GRIP1: variants seen among roughly 807,000 people sequenced by gnomAD.
GRIP1 encodes the protein glutamate receptor-interacting protein 1.
A neutral mutation model predicts 129.9 loss-of-function variants in GRIP1; 45 were observed. The observed-to-expected ratio is 0.35, with a 90% CI of 0.27 to 0.44. GRIP1 has a LOEUF of 0.44. GRIP1 is among the 20% of genes least tolerant of loss of function. The pLI, the probability that GRIP1 is intolerant of heterozygous loss-of-function variation, is 1.00. For synonymous variants in GRIP1, 530 were observed against 520.8 expected (o/e 1.02, Z -0.24); for missense variants, 1,196 against 1,396.8 (o/e 0.86, Z 2.29).
intron 1 of GRIP1, among the ~76,000 whole-genome samples, chr12:66,918,254 A>C (rs761931149): frequency 4.6e-5 from 7 of 152,166 alleles, no homozygotes; most frequent in African/African-American, 9.7e-5. Flanking sequence ...GGTAGAAAAA[A>C]AAAGGTGATG....
At chr12:66,431,384 T>C (rs749948964) in intron 14 of GRIP1, among the ~76,000 whole-genome samples, 2 of 152,348 alleles carry the variant, frequency 1.3e-5, no homozygotes, top group Non-Finnish European at 1.5e-5. Flanking sequence ...CTCCCATACA[T>C]GTGGCTTCTT....
At chr12:66,923,688 A>C (rs2041249569) in intron 1 of GRIP1, among the ~76,000 whole-genome samples, 1 of 152,188 alleles carries the variant, frequency 6.6e-6, no homozygotes, top group Non-Finnish European at 1.5e-5. Context: ...ATTCAGAAAG[A>C]CCTGGTTGAA....
At position 66,585,789 on chromosome 12, in the gene GRIP1, G is replaced by A. The variant is rs535304236; in HGVS notation, c.136+11058C>T. Among the ~76,000 whole-genome samples the A allele has an allele frequency of 2.4e-3, 363 of 150,988 alleles. 2 individuals are homozygous for A. Among genetic ancestry groups the A allele is most frequent in the African/African-American group, 8.4e-3 (345 of 41,092 alleles). On this transcript the variant is annotated intron_variant, in intron 2 of 24. Transcript: ENST00000359742. The stretch of plus-strand genomic sequence containing the variant: ...GTTGTTTCCTGACTTTTTAATGATC[G>A]CCATTCTAACTGGTGTGAGATGGTA...
At chr12:66,626,376 T>A (rs1187059103) in intron 1 of GRIP1, among the ~76,000 whole-genome samples, 3 of 149,192 alleles carry the variant, frequency 2.0e-5, no homozygotes, top group African/African-American at 7.4e-5. Flanking sequence ...TAAAACCAAA[T>A]GCTAAAAGAG....
chr12:66,746,417 C>T (rs1236500138), intron 1 of GRIP1, among the ~76,000 whole-genome samples: 2 of 152,170 alleles, frequency 1.3e-5, no homozygotes, highest in Non-Finnish European at 2.9e-5. Context: ...GCACTTCAGA[C>T]CTGTTCATTC....
intron 1 of GRIP1, among the ~76,000 whole-genome samples, chr12:66,825,466 T>C (rs913857403): frequency 1.2e-4 from 18 of 152,190 alleles, no homozygotes; most frequent in African/African-American, 4.1e-4. Context: ...CATCTTATCC[T>C]TAGGGATTAG....
At chr12:66,845,230 G>A (rs1195530138) in intron 1 of GRIP1, among the ~76,000 whole-genome samples, 1 of 151,820 alleles carries the variant, frequency 6.6e-6, no homozygotes. Flanking sequence ...GTCAAGGCGG[G>A]TGGACCACTT....
At chr12:66,789,558 T>A (rs2038461679) in intron 1 of GRIP1, among the ~76,000 whole-genome samples, 1 of 137,876 alleles carries the variant, frequency 7.3e-6, no homozygotes, top group African/African-American at 2.7e-5. Flanking sequence ...ACCAAAACTA[T>A]AATATACAAA....
At chr12:66,914,002 A>C (rs1328539321) in intron 1 of GRIP1, among the ~76,000 whole-genome samples, 1 of 152,188 alleles carries the variant, frequency 6.6e-6, no homozygotes, top group Non-Finnish European at 1.5e-5. Context: ...ACTCTTGTTA[A>C]AGTCATTAAA....
At chr12:66,819,862 T>G (rs779483125) in intron 1 of GRIP1, among the ~76,000 whole-genome samples, 10 of 152,212 alleles carry the variant, frequency 6.6e-5, no homozygotes, top group Non-Finnish European at 1.2e-4. Context: ...AGAGAATCAC[T>G]ACTCTTACTG....
At chr12:67,001,295 G>T (rs146839407) in intron 1 of GRIP1, among the ~76,000 whole-genome samples, 2,688 of 152,228 alleles carry the variant, frequency 0.018, 28 homozygotes, top group Non-Finnish European at 0.028. Context: ...GAGCTTGTGG[G>T]CTATCTAAAT....
At chr12:66,917,540 T>G (rs1388465389) in intron 1 of GRIP1, among the ~76,000 whole-genome samples, 1 of 152,234 alleles carries the variant, frequency 6.6e-6, no homozygotes, top group African/African-American at 2.4e-5. Context: ...TTATAATTTG[T>G]GTATGACATT....
Position 66,398,936 on chromosome 12 carries a change from C to T in GRIP1, c.1985-4584G>A, listed in dbSNP as rs191511122. ...ACCTTGAAAACAGAGATTTTTAACT[C>T]ATATCCCCATAACCTAGAACTATGT... On this transcript the variant is annotated intron_variant, in intron 16 of 24. Transcript: ENST00000359742. Among the ~76,000 whole-genome samples, 79 of 152,034 alleles carry T rather than the reference C, an allele frequency of 5.2e-4. 1 individual carries two copies. The highest frequency in any genetic ancestry group is 1.7e-3 in the African/African-American group (70 of 41,304).
intron 1 of GRIP1, among the ~76,000 whole-genome samples, chr12:66,924,755 C>T (rs1306465741): frequency 6.6e-6 from 1 of 152,096 alleles, no homozygotes; most frequent in Non-Finnish European, 1.5e-5. Context: ...ATCACAAGGT[C>T]AGGAGATCGA....
At chr12:66,588,660 G>A (rs1004880052) in intron 2 of GRIP1, among the ~76,000 whole-genome samples, 1 of 151,996 alleles carries the variant, frequency 6.6e-6, no homozygotes, top group East Asian at 1.9e-4. Flanking sequence ...TTAGACAAGC[G>A]ACTTTAGCTC....
intron 1 of GRIP1, among the ~76,000 whole-genome samples, chr12:66,966,442 C>T (rs1223953173): frequency 6.6e-6 from 1 of 152,132 alleles, no homozygotes; most frequent in African/African-American, 2.4e-5. Flanking sequence ...TCTAAGTGCA[C>T]ATTTGCTACA....
At chr12:66,397,603 A>G (rs1248475849) in intron 16 of GRIP1, among the ~76,000 whole-genome samples, 2 of 152,182 alleles carry the variant, frequency 1.3e-5, no homozygotes, top group Non-Finnish European at 2.9e-5. Flanking sequence ...ATATCAGGGA[A>G]ATGTGAACAT....
intron 2 of GRIP1, among the ~76,000 whole-genome samples, chr12:66,546,513 T>A (rs1223203587): frequency 2.6e-5 from 4 of 151,836 alleles, no homozygotes; most frequent in Non-Finnish European, 5.9e-5. Flanking sequence ...AAAACCACTG[T>A]GGTATTGATG....
Position 66,892,322 on chromosome 12 carries a change from C to T in GRIP1, c.58+176728G>A, listed in dbSNP as rs535308983. Among the ~76,000 whole-genome samples the T allele has an allele frequency of 2.6e-5, 4 of 152,326 alleles. No homozygotes were observed. The South Asian group carries it at 6.2e-4, about 24-fold the overall frequency. ...AGCAGCCTCCTAATTGGTCTCCCTG[C>T]TTCCCCTTTGTCCCTTCAGTGTTGA... On this transcript the variant is annotated intron_variant, in intron 1 of 1. Coordinates refer to the GRIP1 transcript ENST00000643019.
Sources: allele counts gnomAD v4.1 joint callset (sites outside exome capture counted in the v4.1 genomes callset), GRCh38; gene constraint gnomAD v4.1.1; transcripts MANE v1.5; gene names NCBI Gene and HGNC (gene_info 2026-07-23, HGNC 2026-07-21).